ITPR2: variants seen among roughly 807,000 people sequenced by gnomAD.
ITPR2 encodes inositol 1,4,5-trisphosphate receptor type 2.
ITPR2 carries 207 observed loss-of-function variants against 317.1 expected under a neutral mutation model. The observed-to-expected ratio is 0.65, with a 90% confidence interval of 0.58 to 0.73. The LOEUF is 0.73. Ranked by LOEUF, ITPR2 falls within the 30% of genes least tolerant of loss-of-function variation. The probability of loss-of-function intolerance (pLI) is 0.00; values close to 1 mark genes in which losing one functional copy is unlikely to be tolerated. For missense variants in ITPR2, 2,613 were observed against 3,284.0 expected (o/e 0.80, Z 4.99); for synonymous variants, 1,156 against 1,149.1 (o/e 1.01, Z -0.12).
At position 26,521,102 on chromosome 12, in the gene ITPR2, A is replaced by G. The variant is rs150099364; in HGVS notation, c.5074-25842T>C. 4.0e-3 allele frequency among the ~76,000 whole-genome samples: 613 copies of G among 151,998 alleles called. 3 individuals are homozygous for G. The highest frequency in any genetic ancestry group is 0.014 in the African/African-American group (600 of 41,474). On this transcript the variant is annotated intron_variant, in intron 37 of 56. Coordinates refer to ENST00000381340, the MANE Select transcript of ITPR2 (RefSeq NM_002223.4). Reference sequence around the variant, plus strand: ...CTATGGTATAAATACTCAAATAGAAACTCCAGTTAACCAACCTGTATAATG... The same window carrying G: ...CTATGGTATAAATACTCAAATAGAAGCTCCAGTTAACCAACCTGTATAATG...
At chr12:26,575,498 A>G (rs77972005) in intron 34 of ITPR2, among the ~76,000 whole-genome samples, 2,480 of 152,176 alleles carry the variant, frequency 0.016, 34 homozygotes, top group Non-Finnish European at 0.026. Flanking sequence ...AGGGACCAAC[A>G]AGGAAAACGA....
intron 1 of ITPR2, among the ~76,000 whole-genome samples, chr12:26,792,786 C>T (rs544225582): frequency 1.4e-4 from 21 of 152,282 alleles, no homozygotes; most frequent in African/African-American, 4.8e-4. Flanking sequence ...TCTTCTGGGA[C>T]TATATAGACT....
intron 2 of ITPR2, among the ~76,000 whole-genome samples, chr12:26,784,262 T>G (rs1274262250): frequency 1.4e-4 from 1 of 7,304 alleles, no homozygotes. Flanking sequence ...AGAATCTCCC[T>G]CTCCCTCTCC....
intron 37 of ITPR2, among the ~76,000 whole-genome samples, chr12:26,497,240 G>A (rs183044631): frequency 4.8e-4 from 70 of 146,326 alleles, no homozygotes; most frequent in African/African-American, 1.7e-3. Context: ...TGCAAGCTCC[G>A]CCTCCTGGGT....
chr12:26,622,564 G>A (rs1202759527), intron 24 of ITPR2, among the ~76,000 whole-genome samples, 159 bp from the exon 25 acceptor site: 1 of 152,172 alleles, frequency 6.6e-6, no homozygotes, highest in Admixed American at 6.5e-5. Context: ...TGTAACTGAT[G>A]AGGAAACAAT....
At chr12:26,792,043 G>A (rs1045991948) in intron 1 of ITPR2, among the ~76,000 whole-genome samples, 7 of 152,102 alleles carry the variant, frequency 4.6e-5, no homozygotes, top group Non-Finnish European at 5.9e-5. Flanking sequence ...CTGAGTCCCC[G>A]CCTGTGTGGA....
chr12:26,445,083 G>C (rs1194362855), intron 45 of ITPR2, among the ~76,000 whole-genome samples: 2 of 152,188 alleles, frequency 1.3e-5, no homozygotes, highest in Admixed American at 6.5e-5. Context: ...TTTAAGAAGT[G>C]GCCAGTTCTT....
At chr12:26,465,727 GT>G (rs1199486285) in intron 45 of ITPR2, among the ~76,000 whole-genome samples, 1 of 152,108 alleles carries the variant, frequency 6.6e-6, no homozygotes, top group African/African-American at 2.4e-5. Flanking sequence ...CAATGTGGTT[GT>G]TTTTGTGTCT....
chr12:26,636,954 T>G (rs532843223), intron 21 of ITPR2, among the ~76,000 whole-genome samples: 42 of 152,168 alleles, frequency 2.8e-4, no homozygotes, highest in Admixed American at 3.9e-4. Context: ...TCCAAAATTT[T>G]TATACTAGAA....
intron 1 of ITPR2, among the ~76,000 whole-genome samples, chr12:26,803,717 C>T (rs1039946814): frequency 2.0e-5 from 3 of 152,152 alleles, no homozygotes; most frequent in African/African-American, 7.2e-5. Context: ...TAAGGACCTG[C>T]CTCTTCCCTG....
chr12:26,403,426 C>T (rs1414021339), intron 52 of ITPR2, among the ~76,000 whole-genome samples: 1 of 152,094 alleles, frequency 6.6e-6, no homozygotes, highest in Non-Finnish European at 1.5e-5. Context: ...CAAGATAAAA[C>T]ATGTAGAAGA....
intron 9 of ITPR2, among the ~76,000 whole-genome samples, chr12:26,701,832 A>C (rs1038762894): frequency 6.6e-6 from 1 of 152,232 alleles, no homozygotes; most frequent in African/African-American, 2.4e-5. Context: ...CCTATCTACA[A>C]ACAAATAAGC....
At chr12:26,694,821 G>A (rs1162940072) in intron 10 of ITPR2, among the ~76,000 whole-genome samples, 2 of 152,180 alleles carry the variant, frequency 1.3e-5, no homozygotes, top group Non-Finnish European at 2.9e-5. Flanking sequence ...TCTACGTTTA[G>A]AGACATTTTG....
chr12:26,627,275 C>T (rs192028216), intron 23 of ITPR2: 5 of 152,196 alleles, frequency 3.3e-5, no homozygotes, highest in Admixed American at 2.0e-4. Context: ...AACTACATTT[C>T]GCACTGCTCT....
At chr12:26,560,078 A>C (rs751297004) in intron 35 of ITPR2, among the ~76,000 whole-genome samples, 3 of 152,206 alleles carry the variant, frequency 2.0e-5, no homozygotes, top group African/African-American at 2.4e-5. Flanking sequence ...ATTTTCACTA[A>C]ATAAATACTT....
chr12:26,649,773 CTAGATAGATAGA>C (rs71069259), intron 21 of ITPR2, among the ~76,000 whole-genome samples: 6,714 of 147,468 alleles, frequency 0.046, 176 homozygotes, highest in African/African-American at 0.052. Context: ...GATAGATAGA[CTAGATAGATAGA>C]TAGATAGATA....
At chr12:26,722,641 AT>A (rs1948856928) in intron 4 of ITPR2, 86 bp from the exon 5 acceptor site, 2 of 934,734 alleles carry the variant, frequency 2.1e-6, no homozygotes, top group Non-Finnish European at 3.2e-6. Flanking sequence ...TGTATCATAT[AT>A]TCATCTAACA....
Position 26,588,534 on chromosome 12 carries a change from A to T in ITPR2, c.4380+6931T>A, listed in dbSNP as rs375790961. 6.1e-3 allele frequency among the ~76,000 whole-genome samples: 923 copies of T among 152,326 alleles called. 9 individuals carry two copies. Among genetic ancestry groups the T allele is most frequent in the African/African-American group, 0.021 (893 of 41,576 alleles). Reference sequence around the variant, plus strand: ...AGAAATTCAAGAAAATTATTTTTTTAAATTGACTTAATGTCACCAAATTAA... The same window carrying T: ...AGAAATTCAAGAAAATTATTTTTTTTAATTGACTTAATGTCACCAAATTAA... On this transcript the variant is annotated intron_variant, in intron 32 of 56. Transcript: ENST00000381340.
At chr12:26,670,779 G>A (rs1482735776) in intron 13 of ITPR2, among the ~76,000 whole-genome samples, 5 of 152,032 alleles carry the variant, frequency 3.3e-5, no homozygotes, top group Non-Finnish European at 5.9e-5. Flanking sequence ...TCAAACCAAA[G>A]GCAAAGAAGT....
Sources: allele counts gnomAD v4.1 joint callset (sites outside exome capture counted in the v4.1 genomes callset), GRCh38; gene constraint gnomAD v4.1.1; transcripts MANE v1.5; gene names NCBI Gene and HGNC (gene_info 2026-07-23, HGNC 2026-07-21).